SUGCT: variants seen among roughly 807,000 people sequenced by gnomAD.
SUGCT encodes the protein succinyl-CoA:glutarate-CoA transferase.
SUGCT carries 41 observed loss-of-function variants against 55.0 expected under a neutral mutation model. The observed-to-expected ratio is 0.74, with a 90% confidence interval of 0.58 to 0.97. The LOEUF (loss-of-function observed/expected upper bound fraction) is 0.97, where lower values mean the gene tolerates loss of function less well. Ranked by LOEUF, SUGCT falls within the 50% of genes least tolerant of loss-of-function variation. The probability of loss-of-function intolerance (pLI) is 0.00; values close to 1 mark genes in which losing one functional copy is unlikely to be tolerated. For synonymous variants in SUGCT, 187 were observed against 200.4 expected, an observed-to-expected ratio of 0.93 and a Z score of 0.56; for missense variants, 568 against 547.8, an observed-to-expected ratio of 1.04 and a Z score of -0.37.
At chr7:40,145,171 AT>A (rs1302914146) in intron 1 of SUGCT, among the ~76,000 whole-genome samples, 1 of 152,164 alleles carries the variant, frequency 6.6e-6, no homozygotes, top group Non-Finnish European at 1.5e-5. Context: ...AAAACAAAAA[AT>A]TTTTTTAACC....
At chr7:40,687,711 G>A (rs1011199346) in intron 12 of SUGCT, among the ~76,000 whole-genome samples, 9 of 152,132 alleles carry the variant, frequency 5.9e-5, no homozygotes, top group African/African-American at 2.2e-4. Flanking sequence ...ACAGATCTCA[G>A]TTCCTCAGTA....
Position 40,327,808 on chromosome 7 carries a change from A to G in SUGCT, c.816+10953A>G, listed in dbSNP as rs1390472249. Among the ~76,000 whole-genome samples, 8 of 152,354 alleles carry G rather than the reference A, an allele frequency of 5.3e-5. No individual in the cohort carries two copies. In the East Asian group the frequency reaches 1.5e-3, roughly 29 times the overall value. On this transcript the variant is annotated intron_variant, in intron 9 of 13. Transcript: ENST00000335693. ...TAGTTCTAGTAATATTATCTTAATC[A>G]CTATAATAATTATCAGATGTAACAT...
At chr7:41,025,133 T>G in the SUGCT span, among the ~76,000 whole-genome samples, 1 of 152,112 alleles carries the variant, frequency 6.6e-6, no homozygotes, top group East Asian at 1.9e-4. Flanking sequence ...ATAAAACCAT[T>G]GATAGGAAAG....
chr7:40,617,604 T>A (rs1325111320), intron 12 of SUGCT, among the ~76,000 whole-genome samples: 1 of 152,050 alleles, frequency 6.6e-6, no homozygotes, highest in Non-Finnish European at 1.5e-5. Flanking sequence ...AATGCCATTA[T>A]AGAAATAACT....
At chr7:40,575,127 G>C (rs998413142) in intron 12 of SUGCT, among the ~76,000 whole-genome samples, 20 of 113,060 alleles carry the variant, frequency 1.8e-4, no homozygotes, top group African/African-American at 6.3e-4. Flanking sequence ...GGCGGGGGTG[G>C]GGGTGGAGAT....
intron 12 of SUGCT, among the ~76,000 whole-genome samples, chr7:40,609,971 T>A (rs1300910023): frequency 2.6e-5 from 4 of 152,210 alleles, no homozygotes; most frequent in African/African-American, 9.7e-5. Flanking sequence ...TTAGTTAACA[T>A]TTATTGAGCT....
chr7:40,843,096 C>T (rs1793357454), intron 13 of SUGCT, among the ~76,000 whole-genome samples: 2 of 152,136 alleles, frequency 1.3e-5, no homozygotes, highest in Non-Finnish European at 2.9e-5. Context: ...ATAACATGTA[C>T]ATTCTAGCAG....
At chr7:40,375,070 T>C (rs1429213247) in intron 9 of SUGCT, among the ~76,000 whole-genome samples, 1 of 152,162 alleles carries the variant, frequency 6.6e-6, no homozygotes, top group Non-Finnish European at 1.5e-5. Context: ...ATAAATGATA[T>C]AGGTCCAATT....
chr7:40,858,224 A>G (rs1794287569), intron 13 of SUGCT, among the ~76,000 whole-genome samples: 1 of 151,814 alleles, frequency 6.6e-6, no homozygotes. Context: ...ACCAACGTGG[A>G]GAAACCCCGT....
chr7:40,827,050 G>A (rs1317140034), intron 13 of SUGCT, among the ~76,000 whole-genome samples: 1 of 151,982 alleles, frequency 6.6e-6, no homozygotes, highest in Non-Finnish European at 1.5e-5. Context: ...TTTTTTTGTG[G>A]TATGCATAGT....
intron 12 of SUGCT, among the ~76,000 whole-genome samples, chr7:40,657,748 C>A (rs1244755474): frequency 1.3e-5 from 2 of 152,206 alleles, no homozygotes; most frequent in African/African-American, 4.8e-5. Flanking sequence ...GTTGGCCACG[C>A]TGATCTTGAT....
At chr7:40,257,601 T>C (rs1790895381) in intron 7 of SUGCT, among the ~76,000 whole-genome samples, 1 of 152,150 alleles carries the variant, frequency 6.6e-6, no homozygotes, top group Admixed American at 6.5e-5. Context: ...TAAGACTGGG[T>C]GTGGTGGCTT....
At chr7:40,670,606 C>G (rs753443744) in intron 12 of SUGCT, among the ~76,000 whole-genome samples, 3 of 152,094 alleles carry the variant, frequency 2.0e-5, no homozygotes, top group African/African-American at 7.2e-5. Flanking sequence ...CCTCAAACTC[C>G]TAGGCTTGAC....
chr7:40,446,569 T>C (rs1788851116), intron 9 of SUGCT, among the ~76,000 whole-genome samples: 1 of 152,182 alleles, frequency 6.6e-6, no homozygotes, highest in African/African-American at 2.4e-5. Context: ...ATCTCCTTAA[T>C]AGCATTCCTT....
chr7:40,560,092 G>T (rs1431508958), intron 12 of SUGCT, among the ~76,000 whole-genome samples: 2 of 152,198 alleles, frequency 1.3e-5, no homozygotes, highest in African/African-American at 4.8e-5. Context: ...TAGTGGTTCT[G>T]TTCTTGAAGA....
chr7:41,012,020 G>C, the SUGCT span, among the ~76,000 whole-genome samples: 1 of 152,030 alleles, frequency 6.6e-6, no homozygotes, highest in Non-Finnish European at 1.5e-5. Context: ...TCTTTCTCGA[G>C]TGCAGCCCCA....
In SUGCT at chr7:40,139,493, C is replaced by T. The variant is rs535902547; in HGVS notation, c.100+4373C>T. Among the ~76,000 whole-genome samples the T allele has an allele frequency of 3.8e-4, 58 of 152,258 alleles. 1 individual carries two copies. In the South Asian group the frequency reaches 8.3e-3, roughly 22 times the overall value. On this transcript the variant is annotated intron_variant, in intron 1 of 13. Transcript: ENST00000335693. ...GATTACAGGCGTGAGCCACTGTGCC[C>T]GGCTGATGGTGAACATTTTTGATAT...
intron 9 of SUGCT, among the ~76,000 whole-genome samples, chr7:40,371,262 A>C (rs1784283344): frequency 6.6e-6 from 1 of 152,190 alleles, no homozygotes; most frequent in South Asian, 2.1e-4. Context: ...CAAAAGTTAA[A>C]TAGTGCACAG....
At chr7:40,909,377 T>C in the SUGCT span, among the ~76,000 whole-genome samples, 1 of 152,162 alleles carries the variant, frequency 6.6e-6, no homozygotes, top group Non-Finnish European at 1.5e-5. Flanking sequence ...GACTTACTGC[T>C]CTGAAGCATG....
Sources: allele counts gnomAD v4.1 joint callset (sites outside exome capture counted in the v4.1 genomes callset), GRCh38; gene constraint gnomAD v4.1.1; transcripts MANE v1.5; gene names NCBI Gene and HGNC (gene_info 2026-07-23, HGNC 2026-07-21).